Variants in OPCML observed in about 807,000 individuals in gnomAD.
OPCML encodes opioid-binding protein/cell adhesion molecule.
In OPCML, 13 loss-of-function variants were observed where a neutral mutation model predicts 37.8. The ratio of observed to expected loss-of-function variants is 0.34; its 90% confidence interval spans 0.22 to 0.55. The LOEUF (loss-of-function observed/expected upper bound fraction) is 0.55, where lower values mean the gene tolerates loss of function less well. Among genes scored for constraint, OPCML ranks in the 20% least tolerant of loss-of-function variants. The pLI is 0.91. For synonymous variants in OPCML, 176 were observed against 168.8 expected (o/e 1.04, Z -0.33); for missense variants, 341 against 435.6 (o/e 0.78, Z 1.93).
intron 1 of OPCML, among the ~76,000 whole-genome samples, chr11:133,123,642 TGG>T (rs1421767960): frequency 6.6e-6 from 1 of 151,930 alleles, no homozygotes; most frequent in Non-Finnish European, 1.5e-5. Flanking sequence ...TCCAGATGGA[TGG>T]GTTCTTGGAG....
At chr11:133,364,034 C>T (rs534290041) in intron 1 of OPCML, among the ~76,000 whole-genome samples, 1 of 152,326 alleles carries the variant, frequency 6.6e-6, no homozygotes, top group South Asian at 2.1e-4. Context: ...TCCTACTCCT[C>T]CCGCTTCTCA....
chr11:133,129,166 C>CAGAATGG (rs1382281593), intron 1 of OPCML, among the ~76,000 whole-genome samples: 2 of 152,018 alleles, frequency 1.3e-5, no homozygotes, highest in African/African-American at 4.8e-5. Context: ...CTGGAGTTTC[C>CAGAATGG]AGAATGGAGT....
At position 133,021,869 on chromosome 11, in the gene OPCML, GCTGAGC is replaced by G. The variant is rs1947462817; in HGVS notation, c.62-78865_62-78860del. ...CCACTTGCCTGTGACACGGCAGTGT[GCTGAGC>G]CCCGTGCTACAGAGCAAAGCAGACT... On this transcript the variant is annotated intron_variant, in intron 1 of 7. Transcript: ENST00000524381. Among the ~76,000 whole-genome samples, 7 of 152,356 alleles carry G rather than the reference GCTGAGC, an allele frequency of 4.6e-5. No homozygotes were observed. The South Asian group carries it at 1.5e-3, about 32-fold the overall frequency.
chr11:132,470,799 T>C (rs1307006779), intron 4 of OPCML, among the ~76,000 whole-genome samples: 3 of 152,236 alleles, frequency 2.0e-5, no homozygotes, highest in African/African-American at 7.2e-5. Flanking sequence ...GTTCATGCTC[T>C]TAACCATTCT....
intron 2 of OPCML, among the ~76,000 whole-genome samples, chr11:132,740,002 C>G (rs1945386332): frequency 6.6e-6 from 1 of 152,126 alleles, no homozygotes; most frequent in Non-Finnish European, 1.5e-5. Context: ...CTGTTTCCCC[C>G]ACCCTGTGCA....
intron 3 of OPCML, among the ~76,000 whole-genome samples, chr11:132,583,940 C>T (rs1405941812): frequency 6.6e-6 from 1 of 151,894 alleles, no homozygotes; most frequent in Non-Finnish European, 1.5e-5. Flanking sequence ...TTATAGTTCA[C>T]CAATACAGTG....
At chr11:132,710,098 C>T (rs908173283) in intron 2 of OPCML, among the ~76,000 whole-genome samples, 8 of 152,118 alleles carry the variant, frequency 5.3e-5, no homozygotes, top group African/African-American at 9.7e-5. Context: ...CTCTGGTGTA[C>T]GCTGGCGTCA....
chr11:132,794,507 G>A (rs184594822), intron 2 of OPCML, among the ~76,000 whole-genome samples: 2 of 152,088 alleles, frequency 1.3e-5, no homozygotes, highest in African/African-American at 2.4e-5. Context: ...ATACCTCAGG[G>A]TTCCTCACTG....
intron 2 of OPCML, among the ~76,000 whole-genome samples, chr11:132,727,337 C>G (rs915165059): frequency 6.6e-6 from 1 of 152,134 alleles, no homozygotes; most frequent in Non-Finnish European, 1.5e-5. Context: ...TTAGGTGAAC[C>G]GAGGTTCCCA....
At chr11:132,605,831 A>G (rs1938255365) in intron 3 of OPCML, among the ~76,000 whole-genome samples, 1 of 152,240 alleles carries the variant, frequency 6.6e-6, no homozygotes. Flanking sequence ...ACACATAGGA[A>G]GAACTCAATA....
chr11:133,325,076 G>A (rs957021733), intron 1 of OPCML, among the ~76,000 whole-genome samples: 1 of 152,170 alleles, frequency 6.6e-6, no homozygotes, highest in South Asian at 2.1e-4. Flanking sequence ...GAGGGGAGGG[G>A]AGACGAAGGT....
At chr11:132,636,271 T>C (rs146856214) in intron 3 of OPCML, among the ~76,000 whole-genome samples, 627 of 152,312 alleles carry the variant, frequency 4.1e-3, no homozygotes, top group Admixed American at 9.0e-3. Context: ...TAGTTATGTA[T>C]TAGTAAAGTC....
rs545235319 is a variant in OPCML, at chr11:132,905,815, A to G, written c.146+37111T>C. ...ATCAAATGTTTCTACGCCTCTGTAT[A>G]ATGGGAATAATACCATTGTTTTGAG... On this transcript the variant is annotated intron_variant, in intron 2 of 7. Transcript: ENST00000524381. Among the ~76,000 whole-genome samples the G allele has an allele frequency of 1.9e-3, 284 of 152,296 alleles. 3 individuals carry two copies. The highest frequency in any genetic ancestry group is 6.1e-3 in the African/African-American group (253 of 41,562).
At chr11:132,923,150 C>T (rs1359188802) in intron 2 of OPCML, among the ~76,000 whole-genome samples, 1 of 151,932 alleles carries the variant, frequency 6.6e-6, no homozygotes, top group Non-Finnish European at 1.5e-5. Flanking sequence ...TTACAGTTAA[C>T]AGTATATACA....
chr11:132,788,368 C>T (rs1327856340), intron 2 of OPCML, among the ~76,000 whole-genome samples: 1 of 152,176 alleles, frequency 6.6e-6, no homozygotes, highest in Non-Finnish European at 1.5e-5. Context: ...ACCGCTAACT[C>T]CATCAATTCT....
At chr11:133,499,505 C>T (rs903733956) in intron 1 of OPCML, among the ~76,000 whole-genome samples, 6 of 152,026 alleles carry the variant, frequency 3.9e-5, no homozygotes, top group African/African-American at 9.7e-5. Context: ...ACCGTGCTCA[C>T]TCTTCTGACC....
intron 1 of OPCML, among the ~76,000 whole-genome samples, chr11:133,312,282 C>T (rs966791538): frequency 2.2e-4 from 33 of 152,136 alleles, no homozygotes; most frequent in African/African-American, 7.5e-4. Context: ...ATGCTTCCCC[C>T]CAAAAGAAAG....
At chr11:133,323,072 G>A (rs775020205) in intron 1 of OPCML, among the ~76,000 whole-genome samples, 1 of 152,146 alleles carries the variant, frequency 6.6e-6, no homozygotes, top group African/African-American at 2.4e-5. Flanking sequence ...AGAAGAAACA[G>A]CCCACCAGCA....
At chr11:133,315,577 T>A (rs1217005026) in intron 1 of OPCML, among the ~76,000 whole-genome samples, 2 of 152,194 alleles carry the variant, frequency 1.3e-5, no homozygotes, top group South Asian at 4.1e-4. Flanking sequence ...AGCGGGTGGA[T>A]TACTTGAGGT....
Sources: gnomAD v4.1 joint callset for allele counts (sites outside exome capture counted in the v4.1 genomes callset) on GRCh38, gnomAD v4.1.1 for gene constraint, MANE v1.5 for transcripts, NCBI Gene and HGNC (gene_info 2026-07-23, HGNC 2026-07-21) for gene names.